BBS9: variants seen among roughly 807,000 people sequenced by gnomAD.
BBS9 encodes Bardet-Biedl syndrome 9, also known as protein PTHB1.
BBS9 carries 89 observed loss-of-function variants against 117.7 expected under a neutral mutation model. The ratio of observed to expected loss-of-function variants is 0.76; its 90% CI spans 0.64 to 0.90. BBS9 has a LOEUF of 0.90. Among genes scored for constraint, BBS9 ranks in the 40% least tolerant of loss-of-function variants. The pLI, the probability that BBS9 is intolerant of heterozygous loss-of-function variation, is 0.00. For missense variants in BBS9, 982 were observed against 1,042.2 expected (o/e 0.94, Z 0.80); for synonymous variants, 379 against 370.9 (o/e 1.02, Z -0.25).
chr7:33,137,427 C>T (rs1019187809), intron 1 of BBS9, among the ~76,000 whole-genome samples: 4 of 152,154 alleles, frequency 2.6e-5, no homozygotes, highest in Non-Finnish European at 5.9e-5. Flanking sequence ...TGGTAGGGGG[C>T]GGGGCTCCTG....
At chr7:33,263,501 T>A (rs1009918703) in intron 6 of BBS9, among the ~76,000 whole-genome samples, 3 of 152,152 alleles carry the variant, frequency 2.0e-5, no homozygotes, top group Non-Finnish European at 4.4e-5. Flanking sequence ...TTAGATAAAT[T>A]AATCATTTCT....
chr7:33,219,609 G>A (rs945392075), intron 5 of BBS9, among the ~76,000 whole-genome samples: 4 of 152,108 alleles, frequency 2.6e-5, no homozygotes, highest in Non-Finnish European at 4.4e-5. Context: ...TACTCTGGTG[G>A]GGCCTTGGAG....
intron 6 of BBS9, among the ~76,000 whole-genome samples, chr7:33,257,657 G>A (rs953315208): frequency 2.0e-5 from 3 of 152,128 alleles, no homozygotes; most frequent in Non-Finnish European, 2.9e-5. Context: ...ATGTTTGATG[G>A]TCCTTATCCT....
chr7:33,357,167 C>A (rs1056505628), intron 15 of BBS9, among the ~76,000 whole-genome samples: 1 of 151,720 alleles, frequency 6.6e-6, no homozygotes, highest in African/African-American at 2.4e-5. Context: ...TTTCAGTATG[C>A]ATGTATGAGT....
At chr7:33,592,886 T>C (rs1312852916) in intron 21 of BBS9, among the ~76,000 whole-genome samples, 3 of 152,116 alleles carry the variant, frequency 2.0e-5, no homozygotes, top group Non-Finnish European at 4.4e-5. Context: ...AGGGGAGTTA[T>C]GCTCTTACTA....
At chr7:33,249,485 C>A (rs1376855725) in intron 5 of BBS9, among the ~76,000 whole-genome samples, 1 of 151,564 alleles carries the variant, frequency 6.6e-6, no homozygotes, top group African/African-American at 2.4e-5. Context: ...CTCTACCCCC[C>A]ATCCCCACAG....
At chr7:33,151,417 T>C (rs2128105758) in intron 2 of BBS9, among the ~76,000 whole-genome samples, 1 of 152,250 alleles carries the variant, frequency 6.6e-6, no homozygotes, top group Admixed American at 6.5e-5. Context: ...GAATGTAAGA[T>C]AGCTTTCCCA....
chr7:33,530,386 A>T (rs1850391139), intron 20 of BBS9, among the ~76,000 whole-genome samples: 1 of 152,248 alleles, frequency 6.6e-6, no homozygotes, highest in Non-Finnish European at 1.5e-5. Context: ...ATATCTACTT[A>T]AATTATCTAA....
chr7:33,463,347 A>G (rs1202790064), intron 19 of BBS9, among the ~76,000 whole-genome samples: 1 of 152,068 alleles, frequency 6.6e-6, no homozygotes, highest in Non-Finnish European at 1.5e-5. Context: ...TTCTACATTA[A>G]CTTTTTGATA....
chr7:33,578,648 G>A (rs1859354563), intron 21 of BBS9, among the ~76,000 whole-genome samples: 1 of 152,124 alleles, frequency 6.6e-6, no homozygotes, highest in African/African-American at 2.4e-5. Context: ...TAATCTCCCT[G>A]CCACACACAG....
intron 21 of BBS9, among the ~76,000 whole-genome samples, chr7:33,590,460 T>TTTTTTTGTTTTTG (rs775289370): frequency 0.23 from 16,777 of 73,288 alleles, 1,543 homozygotes; most frequent in African/African-American, 0.42. Flanking sequence ...TGTTTTTTTG[T>TTTTTTTGTTTTTG]TTTTTTTTTT....
chr7:33,509,489 TATG>T (rs1846609753), intron 20 of BBS9, among the ~76,000 whole-genome samples: 2 of 152,254 alleles, frequency 1.3e-5, no homozygotes, highest in Admixed American at 1.3e-4. Flanking sequence ...TTGAAGTTAT[TATG>T]ATACCACAAA....
At chr7:33,539,571 G>GC (rs1414937718) in intron 21 of BBS9, among the ~76,000 whole-genome samples, 2 of 152,212 alleles carry the variant, frequency 1.3e-5, no homozygotes, top group Admixed American at 1.3e-4. Flanking sequence ...CTCAACTTTG[G>GC]CCTTACAGGC....
intron 20 of BBS9, among the ~76,000 whole-genome samples, chr7:33,528,491 A>C (rs1850027375): frequency 6.6e-6 from 1 of 152,024 alleles, no homozygotes; most frequent in East Asian, 1.9e-4. Context: ...GGTTTGTAGG[A>C]GTTTATAATT....
intron 21 of BBS9, among the ~76,000 whole-genome samples, chr7:33,555,595 A>C (rs1855170352): frequency 1.3e-5 from 2 of 152,184 alleles, no homozygotes; most frequent in Admixed American, 6.5e-5. Context: ...AGGATTTGGT[A>C]GTTAAAATTG....
chr7:33,549,742 C>T (rs530973127), intron 21 of BBS9, among the ~76,000 whole-genome samples: 1 of 152,158 alleles, frequency 6.6e-6, no homozygotes, highest in Non-Finnish European at 1.5e-5. Flanking sequence ...CATCTCACAC[C>T]AGTGAACTGC....
intron 5 of BBS9, among the ~76,000 whole-genome samples, chr7:33,218,796 G>A (rs1789566672): frequency 6.6e-6 from 1 of 152,272 alleles, no homozygotes; most frequent in African/African-American, 2.4e-5. Context: ...AAGGTTTTGA[G>A]AGGTGACAGC....
chr7:33,619,650 TTAAG>T (rs1368939511), intron 21 of BBS9, among the ~76,000 whole-genome samples: 39 of 152,166 alleles, frequency 2.6e-4, no homozygotes, highest in Admixed American at 3.3e-4. Context: ...TGACATAATA[TTAAG>T]TATCTTCTTT....
intron 20 of BBS9, among the ~76,000 whole-genome samples, chr7:33,530,843 G>A (rs1186588225): frequency 6.6e-6 from 1 of 152,068 alleles, no homozygotes; most frequent in South Asian, 2.1e-4. Flanking sequence ...CCTACAGGTG[G>A]GTCAATAGAA....
Sources: allele counts gnomAD v4.1 joint callset (sites outside exome capture counted in the v4.1 genomes callset), GRCh38; gene constraint gnomAD v4.1.1; transcripts MANE v1.5; gene names NCBI Gene and HGNC (gene_info 2026-07-23, HGNC 2026-07-21).